UNC13B: variants seen among roughly 807,000 people sequenced by gnomAD.
The protein encoded by UNC13B is protein unc-13 homolog B.
UNC13B carries 144 observed loss-of-function variants against 211.0 expected under a neutral mutation model. That is an observed-to-expected ratio of 0.68 (90% CI 0.60 to 0.78). UNC13B has a LOEUF of 0.78. Among genes scored for constraint, UNC13B ranks in the 30% least tolerant of loss-of-function variants. The pLI is 0.00. For synonymous variants in UNC13B, 709 were observed against 725.8 expected (o/e 0.98, Z 0.37); for missense variants, 1,777 against 2,002.0 (o/e 0.89, Z 2.14).
In UNC13B at chr9:35,403,581, A is replaced by C; in HGVS notation, c.12719A>C (p.Tyr4240Ser). Residue 4240 changes from tyrosine to serine, a missense_variant, in exon 39 of 40, where the codon TAC becomes TCC. Coordinates refer to ENST00000635942, the MANE Select transcript of UNC13B (RefSeq NM_001371189.2). Reference protein sequence around the residue: ...KSKSNNWAPKYNETFHFLLGN... With the variant: ...KSKSNNWAPKSNETFHFLLGN... ...AAAAGCAACAACTGGGCCCCCAAGT[A>C]CAATGAGACATTCCACTTGTAAGTT... The C allele has an allele frequency of 6.3e-7, 1 of 1,594,878 alleles. No individual in the cohort carries two copies. The highest frequency in any genetic ancestry group is 1.1e-5 in the South Asian group (1 of 90,644).
chr9:35,197,333 G>A (rs1387013052), intron 1 of UNC13B, among the ~76,000 whole-genome samples: 1 of 151,898 alleles, frequency 6.6e-6, no homozygotes, highest in African/African-American at 2.4e-5. Flanking sequence ...TCAGTCTCCT[G>A]AGTAGCTGGG....
intron 22 of UNC13B, chr9:35,385,320 T>A: frequency 2.0e-6 from 2 of 985,458 alleles, no homozygotes; most frequent in Non-Finnish European, 2.4e-6. Context: ...TGGTCTGTAG[T>A]GTGGCTCCAC....
intron 1 of UNC13B, among the ~76,000 whole-genome samples, chr9:35,221,566 G>T (rs560925882): frequency 6.6e-6 from 1 of 152,096 alleles, no homozygotes; most frequent in Non-Finnish European, 1.5e-5. Context: ...TTTCTTTGCT[G>T]TGCTGAAGAT....
chr9:35,191,636 C>T (rs1822664929), intron 1 of UNC13B, among the ~76,000 whole-genome samples: 1 of 152,252 alleles, frequency 6.6e-6, no homozygotes, highest in African/African-American at 2.4e-5. Context: ...GATGGATCAG[C>T]TGGCTCTGCC....
chr9:35,361,653 G>A (rs1184998234), intron 11 of UNC13B: 2 of 152,200 alleles, frequency 1.3e-5, no homozygotes, highest in African/African-American at 4.8e-5. Flanking sequence ...TATAAAGGAA[G>A]ATGTTTATAC....
chr9:35,342,029 C>G (rs1832028958), intron 11 of UNC13B: 1 of 985,358 alleles, frequency 1.0e-6, no homozygotes, highest in Non-Finnish European at 1.2e-6. Flanking sequence ...TCTACGTTTG[C>G]AGCCAGTGAG....
In UNC13B at chr9:35,259,199, C is replaced by G. The variant is rs1426993865; in HGVS notation, c.526+149C>G. On this transcript the variant is annotated intron_variant, in intron 7 of 39. Transcript: ENST00000635942. ...AGCACATCTGTTCAGGCGCCTTTCT[C>G]TGATGGCTGTCTATCTATTAGCTTT... 4 of 791,056 alleles carry G rather than the reference C, an allele frequency of 5.1e-6. No individual in the cohort carries two copies. In the Admixed American group the frequency reaches 8.1e-5, roughly 16 times the overall value. The allele number at this position is 791,056 out of a possible 1,614,324, so 49.0% of individuals were successfully genotyped here.
intron 1 of UNC13B, among the ~76,000 whole-genome samples, chr9:35,203,879 T>G (rs80311298): frequency 0.024 from 3,598 of 152,306 alleles, 74 homozygotes; most frequent in Non-Finnish European, 0.036. Flanking sequence ...TCTGCCTAAG[T>G]AAAGAGCAGC....
At chr9:35,277,381 C>T (rs1463574266) in intron 7 of UNC13B, among the ~76,000 whole-genome samples, 1 of 152,144 alleles carries the variant, frequency 6.6e-6, no homozygotes, top group Admixed American at 6.6e-5. Flanking sequence ...ATAGCTAAAG[C>T]TTTGTTGGCT....
intron 1 of UNC13B, among the ~76,000 whole-genome samples, chr9:35,178,885 CAAAAAAAAAAAAAAAA>C (rs35487632): frequency 1.1e-3 from 69 of 61,138 alleles, no homozygotes; most frequent in Non-Finnish European, 1.5e-3. Flanking sequence ...GAGACAGCCT[CAAAAAAAAAAAAAAAA>C]AAAAAAAAGA....
At chr9:35,237,879 G>A (rs1347430544) in intron 5 of UNC13B, 53 bp downstream of exon 5, 1 of 1,538,468 alleles carries the variant, frequency 6.5e-7, no homozygotes, top group Non-Finnish European at 8.8e-7. Context: ...GTTTGGAATT[G>A]TTTGCTAGTT....
In UNC13B at chr9:35,377,581, G is replaced by T. The variant is rs1348161755; in HGVS notation, c.9949G>T (p.Val3317Phe). ...RERNKPEIFE[V>F]IRDVFTVNKA... ...GCGAAATAAGCCAGAGATCTTTGAA[G>T]TTATCCGGGACGTCTTCACAGTGAA... Residue 3317 changes from valine to phenylalanine, a missense_variant, in exon 16 of 40, where the codon GTT becomes TTT. By Grantham distance (50) the Val-to-Phe change is conservative (BLOSUM62 -1). Coordinates refer to ENST00000635942, the MANE Select transcript of UNC13B (RefSeq NM_001371189.2). The T allele has an allele frequency of 6.2e-7, 1 of 1,614,258 alleles. No homozygotes were observed. The highest frequency in any genetic ancestry group is 8.5e-7 in the Non-Finnish European group (1 of 1,180,048).
chr9:35,232,177 C>CTTTTTTTTTGTTTTTTTTTTTTTTTTTT (rs1825245615), intron 3 of UNC13B, among the ~76,000 whole-genome samples: 1 of 31,534 alleles, frequency 3.2e-5, no homozygotes, highest in Non-Finnish European at 5.9e-5. Context: ...TATATTGCTG[C>CTTTTTTTTTGTTTTTTTTTTTTTTTTTT]TTTTTTTTTT....
chr9:35,342,493 T>C (rs1376060655), intron 11 of UNC13B: 1 of 378,072 alleles, frequency 2.6e-6, no homozygotes, highest in Non-Finnish European at 3.6e-6. Context: ...GAGTGAAAAG[T>C]AGCATATGCC....
chr9:35,385,733 C>G lies in UNC13B; in HGVS notation c.10885C>G (p.Pro3629Ala), dbSNP rs762692197. 1.8e-5 allele frequency: 29 copies of G among 1,601,452 alleles called. No homozygotes were observed. In the South Asian group the frequency reaches 2.8e-4, roughly 15 times the overall value. Residue 3629 changes from proline (P) to alanine (A), a missense_variant, in exon 23 of 40, where the codon CCT (proline) becomes GCT (alanine). Physicochemically the swap from Pro to Ala is conservative, Grantham distance 27. Transcript: ENST00000635942. ...GCTTGATTTGCAACAGAATAATTTC[C>G]CTGCTGGGAGTCCTGAACGGCTTCA... The part of the protein sequence containing the change: ...IDLSTYRNNF[P>A]AGSPERLQDL...
chr9:35,218,011 A>C lies in UNC13B; in HGVS notation c.23-10004A>C, dbSNP rs62543187. 7.7e-4 allele frequency among the ~76,000 whole-genome samples: 117 copies of C among 152,234 alleles called. 2 individuals are homozygous for C. The South Asian group carries it at 0.019, about 25-fold the overall frequency. On this transcript the variant is annotated intron_variant, in intron 1 of 39. Coordinates refer to ENST00000635942, the MANE Select transcript of UNC13B (RefSeq NM_001371189.2). ...TGCACTTCAGCCTGGATGACACAGC[A>C]AAACCCTCAAAAAAAAAAGATTTTA...
chr9:35,379,464 A>AG (rs1263684224), intron 17 of UNC13B, among the ~76,000 whole-genome samples: 1 of 152,148 alleles, frequency 6.6e-6, no homozygotes. Flanking sequence ...GAAAAGAAAA[A>AG]AAAAAGGGAT....
intron 7 of UNC13B, among the ~76,000 whole-genome samples, chr9:35,279,088 T>C (rs753107295): frequency 6.6e-5 from 10 of 152,198 alleles, no homozygotes; most frequent in Non-Finnish European, 1.2e-4. Flanking sequence ...AAATATATAA[T>C]TTAGTGACAT....
At chr9:35,248,615 C>T (rs898728418) in intron 6 of UNC13B, among the ~76,000 whole-genome samples, 28 of 152,064 alleles carry the variant, frequency 1.8e-4, no homozygotes, top group African/African-American at 5.8e-4. Context: ...CATTATGTAC[C>T]CAGTAGTCAT....
Sources: allele counts gnomAD v4.1 joint callset (sites outside exome capture counted in the v4.1 genomes callset), GRCh38; gene constraint gnomAD v4.1.1; transcripts MANE v1.5; gene names NCBI Gene and HGNC (gene_info 2026-07-23, HGNC 2026-07-21).